SAMD12: variants seen among roughly 807,000 people sequenced by gnomAD.
The protein encoded by SAMD12 is sterile alpha motif domain containing 12.
In SAMD12, 9 loss-of-function variants were observed where a neutral mutation model predicts 15.0. The observed-to-expected ratio is 0.60, with a 90% confidence interval of 0.36 to 1.05. SAMD12 has a LOEUF of 1.05. SAMD12 is among the 50% of genes least tolerant of loss of function. The probability of loss-of-function intolerance (pLI) is 0.01; values close to 1 mark genes in which losing one functional copy is unlikely to be tolerated. For synonymous variants in SAMD12, 86 were observed against 90.1 expected (o/e 0.96, Z 0.25); for missense variants, 230 against 234.2 (o/e 0.98, Z 0.12).
chr8:118,583,588 C>A (rs1330968457), intron 1 of SAMD12, among the ~76,000 whole-genome samples: 1 of 152,102 alleles, frequency 6.6e-6, no homozygotes, highest in Non-Finnish European at 1.5e-5. Flanking sequence ...CCTATCACCT[C>A]CCCACCAAAT....
intron 3 of SAMD12, among the ~76,000 whole-genome samples, chr8:118,395,929 T>A (rs75968579): frequency 0.027 from 2,988 of 109,374 alleles, 100 homozygotes; most frequent in African/African-American, 0.095. Flanking sequence ...CAAGACTCCA[T>A]CTCAAAAAAA....
exon 5 of SAMD12, chr8:118,191,758 A>ACTCTCTCTC (rs1563686316): frequency 3.1e-4 from 2 of 6,450 alleles, no homozygotes; most frequent in African/African-American, 1.1e-3. Context: ...ACTGGAGATT[A>ACTCTCTCTC]TATATATATA....
chr8:118,355,119 C>A (rs1818166160), intron 4 of SAMD12, among the ~76,000 whole-genome samples: 1 of 152,144 alleles, frequency 6.6e-6, no homozygotes, highest in Admixed American at 6.5e-5. Context: ...TTTGCAATTG[C>A]AAAAATATGG....
chr8:118,599,154 C>A (rs1431882266), intron 1 of SAMD12, among the ~76,000 whole-genome samples: 1 of 152,180 alleles, frequency 6.6e-6, no homozygotes, highest in Admixed American at 6.5e-5. Context: ...GAAGCACCCA[C>A]CTAATTCTAT....
intron 4 of SAMD12, among the ~76,000 whole-genome samples, chr8:118,324,759 A>C (rs916178534): frequency 6.6e-6 from 1 of 152,164 alleles, no homozygotes; most frequent in Admixed American, 6.5e-5. Context: ...CATGGTGTTC[A>C]TGGGACCGCA....
At chr8:118,424,635 G>A (rs1171237414) in intron 3 of SAMD12, among the ~76,000 whole-genome samples, 1 of 152,092 alleles carries the variant, frequency 6.6e-6, no homozygotes, top group East Asian at 1.9e-4. Flanking sequence ...GGGAACATGG[G>A]GGATCAAACG....
At chr8:118,516,759 C>T (rs1241508754) in intron 2 of SAMD12, among the ~76,000 whole-genome samples, 2 of 151,942 alleles carry the variant, frequency 1.3e-5, no homozygotes, top group Non-Finnish European at 2.9e-5. Context: ...CTGCCTCAGC[C>T]TCCCGAGTAC....
chr8:118,263,942 T>C (rs1212713747), intron 4 of SAMD12, among the ~76,000 whole-genome samples: 3 of 152,112 alleles, frequency 2.0e-5, no homozygotes. Context: ...CATGAGATGA[T>C]GGTTTTCATC....
intron 1 of SAMD12, among the ~76,000 whole-genome samples, chr8:118,584,138 G>A (rs2514582): frequency 0.53 from 80,882 of 152,044 alleles, 23,957 homozygotes; most frequent in Admixed American, 0.64. Context: ...ACACACGTAG[G>A]CTTATTTTTC....
chr8:118,268,294 A>ATACT (rs1813257043), intron 4 of SAMD12, among the ~76,000 whole-genome samples: 1 of 152,102 alleles, frequency 6.6e-6, no homozygotes, highest in South Asian at 2.1e-4. Context: ...CAATACAGTA[A>ATACT]TTTTCATTAA....
Position 118,355,841 on chromosome 8 carries a change from G to A in SAMD12, c.433+23719C>T, listed in dbSNP as rs538333452. Among the ~76,000 whole-genome samples the A allele has an allele frequency of 8.0e-4, 122 of 152,250 alleles. 2 individuals are homozygous for A. In the South Asian group the frequency reaches 0.024, roughly 31 times the overall value. Reference sequence around the variant, plus strand: ...AAGCTGAAAACTGTCTTTAGATATTGGTACAACCTTTGACTGTGATTCTGG... The same window carrying A: ...AAGCTGAAAACTGTCTTTAGATATTAGTACAACCTTTGACTGTGATTCTGG... On this transcript the variant is annotated intron_variant, in intron 4 of 4. Transcript: ENST00000409003.
At chr8:118,539,752 T>C (rs1371155920) in intron 2 of SAMD12, among the ~76,000 whole-genome samples, 1 of 152,104 alleles carries the variant, frequency 6.6e-6, no homozygotes, top group Non-Finnish European at 1.5e-5. Flanking sequence ...TAAAACTGAA[T>C]AGTATAAACT....
intron 2 of SAMD12, among the ~76,000 whole-genome samples, chr8:118,529,429 G>A (rs1222457309): frequency 6.6e-6 from 1 of 152,142 alleles, no homozygotes; most frequent in Non-Finnish European, 1.5e-5. Context: ...GGATACAAGT[G>A]CGGTTTTGTT....
intron 4 of SAMD12, among the ~76,000 whole-genome samples, chr8:118,363,370 G>A (rs1398378124): frequency 1.3e-5 from 2 of 152,146 alleles, no homozygotes; most frequent in African/African-American, 4.8e-5. Flanking sequence ...CATGTCAATG[G>A]TCTTCATCCA....
rs142912082 is a variant in SAMD12, at chr8:118,317,456, TA to T, written c.433+62103del. On this transcript the variant is annotated intron_variant, in intron 4 of 4. Coordinates refer to the SAMD12 transcript ENST00000409003. ...ATGTTGAACAATTTTGAGTAACGAA[TA>T]AATGATCGAGAACTGCAGACAATAC... is the stretch of plus-strand genomic sequence containing the variant. Among the ~76,000 whole-genome samples the T allele has an allele frequency of 1.7e-3, 252 of 152,300 alleles. 2 individuals carry two copies. Among genetic ancestry groups the T allele is most frequent in the African/African-American group, 5.9e-3 (246 of 41,570 alleles).
intron 4 of SAMD12, among the ~76,000 whole-genome samples, chr8:118,281,317 A>G (rs1222567542): frequency 6.6e-6 from 1 of 152,186 alleles, no homozygotes; most frequent in African/African-American, 2.4e-5. Flanking sequence ...GTAGCAGTGC[A>G]TGTGTCTAGT....
At chr8:118,211,959 T>C (rs1355400542) in intron 4 of SAMD12, among the ~76,000 whole-genome samples, 1 of 152,156 alleles carries the variant, frequency 6.6e-6, no homozygotes, top group Non-Finnish European at 1.5e-5. Context: ...ATTCTTCCAT[T>C]TGGCAGCTTT....
chr8:118,387,449 C>T (rs1211473025), intron 3 of SAMD12, among the ~76,000 whole-genome samples: 1 of 130,684 alleles, frequency 7.7e-6, no homozygotes, highest in African/African-American at 3.1e-5. Context: ...TTTACTCTTC[C>T]TCCTCCTCCT....
At chr8:118,556,167 G>C (rs955089133) in intron 2 of SAMD12, among the ~76,000 whole-genome samples, 1 of 152,136 alleles carries the variant, frequency 6.6e-6, no homozygotes, top group Non-Finnish European at 1.5e-5. Flanking sequence ...AAAATGTAAG[G>C]AACAGAAATC....
Sources: gnomAD v4.1 joint callset for allele counts (sites outside exome capture counted in the v4.1 genomes callset) on GRCh38, gnomAD v4.1.1 for gene constraint, MANE v1.5 for transcripts, NCBI Gene and HGNC (gene_info 2026-07-23, HGNC 2026-07-21) for gene names.